Variants in LYPD6 observed in about 807,000 individuals in gnomAD.
The protein encoded by LYPD6 is ly6/PLAUR domain-containing protein 6.
In LYPD6, 15 loss-of-function variants were observed where a neutral mutation model predicts 22.7. The observed-to-expected ratio is 0.66, with a 90% confidence interval of 0.44 to 1.02. The LOEUF (loss-of-function observed/expected upper bound fraction) is 1.02. Among genes scored for constraint, LYPD6 ranks in the 50% least tolerant of loss-of-function variants. The pLI is 0.00. For synonymous variants in LYPD6, 72 were observed against 77.5 expected (o/e 0.93, Z 0.37); for missense variants, 189 against 208.4 (o/e 0.91, Z 0.57).
At chr2:149,376,242 A>G (rs1439814725) in intron 1 of LYPD6, among the ~76,000 whole-genome samples, 3 of 152,186 alleles carry the variant, frequency 2.0e-5, no homozygotes, top group Non-Finnish European at 4.4e-5. Flanking sequence ...TACAAAAGAA[A>G]CAGCTCTGTC....
intron 1 of LYPD6, among the ~76,000 whole-genome samples, chr2:149,359,757 C>T (rs1459778341): frequency 1.3e-5 from 2 of 152,200 alleles, no homozygotes; most frequent in Non-Finnish European, 2.9e-5. Context: ...CATAGCCCTT[C>T]ATGAACTTCT....
chr2:149,444,382 G>A (rs1683634791), intron 2 of LYPD6, among the ~76,000 whole-genome samples: 1 of 152,162 alleles, frequency 6.6e-6, no homozygotes, highest in Non-Finnish European at 1.5e-5. Context: ...GTTGCTGAAG[G>A]CTGGGGTAGC....
the LYPD6 span, among the ~76,000 whole-genome samples, chr2:149,484,245 C>A: frequency 6.6e-6 from 1 of 152,144 alleles, no homozygotes; most frequent in African/African-American, 2.4e-5. Context: ...GCAAGGGACC[C>A]AATGTGACTC....
At chr2:149,351,658 C>A (rs1417123725) in intron 1 of LYPD6, among the ~76,000 whole-genome samples, 1 of 152,068 alleles carries the variant, frequency 6.6e-6, no homozygotes, top group Admixed American at 6.5e-5. Context: ...CACGTAAATA[C>A]AAAATGTGTA....
chr2:149,351,099 T>TA (rs2105058648), intron 1 of LYPD6, among the ~76,000 whole-genome samples: 1 of 152,222 alleles, frequency 6.6e-6, no homozygotes, highest in Non-Finnish European at 1.5e-5. Flanking sequence ...AGAGATATTT[T>TA]AAAAAATAGC....
chr2:149,485,510 T>C, the LYPD6 span, among the ~76,000 whole-genome samples: 1 of 152,132 alleles, frequency 6.6e-6, no homozygotes, highest in Admixed American at 6.5e-5. Flanking sequence ...CATGCTTTCC[T>C]CTCTACCTGT....
intron 1 of LYPD6, among the ~76,000 whole-genome samples, chr2:149,411,415 A>G (rs1171198454): frequency 6.6e-6 from 1 of 151,986 alleles, no homozygotes; most frequent in Non-Finnish European, 1.5e-5. Flanking sequence ...AGCTGTGCTT[A>G]TTGCTTAATC....
At chr2:149,406,830 A>G (rs1231669189) in intron 1 of LYPD6, among the ~76,000 whole-genome samples, 4 of 152,182 alleles carry the variant, frequency 2.6e-5, no homozygotes, top group African/African-American at 7.2e-5. Flanking sequence ...CCTAGCCTCA[A>G]TGGTCTTTAC....
At chr2:149,377,332 C>T (rs183930146) in intron 1 of LYPD6, among the ~76,000 whole-genome samples, 34 of 151,756 alleles carry the variant, frequency 2.2e-4, no homozygotes, top group Admixed American at 1.0e-3. Context: ...AACACAACTG[C>T]CAAGCAAGTC....
Position 149,430,954 on chromosome 2 carries a change from G to A in LYPD6, c.-71-6684G>A, listed in dbSNP as rs550130675. ...GTCTAGTACCATCCACACAGTGAAG[G>A]TTCAGAGTGCACCTCTTCTCAACTT... On this transcript the variant is annotated intron_variant, in intron 1 of 4. Transcript: ENST00000334166. 1.6e-4 allele frequency among the ~76,000 whole-genome samples: 25 copies of A among 152,274 alleles called. No individual in the cohort carries two copies. The Middle Eastern group carries it at 0.01, about 63-fold the overall frequency.
intron 3 of LYPD6, among the ~76,000 whole-genome samples, chr2:149,450,318 G>A (rs1683778817): frequency 6.6e-6 from 1 of 152,108 alleles, no homozygotes; most frequent in African/African-American, 2.4e-5. Flanking sequence ...ATTTCTAAAG[G>A]GTTGTCAGGT....
chr2:149,394,167 T>A (rs1429259188), intron 1 of LYPD6, among the ~76,000 whole-genome samples: 1 of 152,216 alleles, frequency 6.6e-6, no homozygotes, highest in Non-Finnish European at 1.5e-5. Flanking sequence ...TGATGTCGTC[T>A]CCTGTTGCTG....
rs150940873 is a variant in LYPD6 at position 149,434,765 on chromosome 2, C to T, written c.-71-2873C>T. Among the ~76,000 whole-genome samples, 117 of 152,212 alleles carry T rather than the reference C, an allele frequency of 7.7e-4. 1 individual carries two copies. The highest frequency in any genetic ancestry group is 2.6e-3 in the African/African-American group (108 of 41,532). ...GAGGCAGGGAAAGTAAGGATAATCA[C>T]GGCAAGTTCCTGTCCTGAGGAGCTC... On this transcript the variant is annotated intron_variant, in intron 1 of 4. Transcript: ENST00000334166.
At chr2:149,332,057 G>A (rs1356259455) in intron 1 of LYPD6, among the ~76,000 whole-genome samples, 1 of 152,224 alleles carries the variant, frequency 6.6e-6, no homozygotes, top group Non-Finnish European at 1.5e-5. Context: ...TTTGCAAAAG[G>A]TATTTGTGCA....
intron 1 of LYPD6, among the ~76,000 whole-genome samples, chr2:149,401,946 G>GT (rs1682565857): frequency 6.6e-6 from 1 of 151,672 alleles, no homozygotes; most frequent in African/African-American, 2.4e-5. Context: ...CAACATATGA[G>GT]TGAGAACATG....
intron 1 of LYPD6, among the ~76,000 whole-genome samples, chr2:149,339,738 T>A (rs1030213722): frequency 6.6e-6 from 1 of 152,120 alleles, no homozygotes; most frequent in Non-Finnish European, 1.5e-5. Context: ...TACCCCTACC[T>A]CCTGTCCTGC....
chr2:149,352,108 T>G (rs1681369132), intron 1 of LYPD6, among the ~76,000 whole-genome samples: 1 of 152,138 alleles, frequency 6.6e-6, no homozygotes, highest in South Asian at 2.1e-4. Context: ...GGGACCATGC[T>G]TCACTTGCCA....
chr2:149,481,149 T>G, the LYPD6 span, among the ~76,000 whole-genome samples: 1 of 152,108 alleles, frequency 6.6e-6, no homozygotes, highest in South Asian at 2.1e-4. Flanking sequence ...TGGAACATAA[T>G]AGGTGTTTGG....
chr2:149,385,856 A>G (rs1682172997), intron 1 of LYPD6, among the ~76,000 whole-genome samples: 1 of 152,154 alleles, frequency 6.6e-6, no homozygotes, highest in Admixed American at 6.5e-5. Flanking sequence ...GAGGCAGAGA[A>G]CAGAAATTAC....
Sources: allele counts gnomAD v4.1 joint callset (sites outside exome capture counted in the v4.1 genomes callset), GRCh38; gene constraint gnomAD v4.1.1; transcripts MANE v1.5; gene names NCBI Gene and HGNC (gene_info 2026-07-23, HGNC 2026-07-21).